Variants in DLC1 observed in about 807,000 individuals in gnomAD.
DLC1 encodes DLC1 Rho GTPase activating protein.
A neutral mutation model predicts 140.3 loss-of-function variants in DLC1; 54 were observed. The ratio of observed to expected loss-of-function variants is 0.38; its 90% CI spans 0.31 to 0.48. DLC1 has a LOEUF of 0.48. Ranked by LOEUF, DLC1 falls within the 20% of genes least tolerant of loss-of-function variation. DLC1 has a pLI of 0.96. For missense variants in DLC1, 2,536 were observed against 1,907.0 expected (o/e 1.33, Z -6.14); for synonymous variants, 986 against 728.1 (o/e 1.35, Z -5.70).
At position 13,100,511 on chromosome 8, in the gene DLC1, G is replaced by A. The variant is rs371098007; in HGVS notation, c.1826C>T (p.Pro609Leu). ...CCGGGGGGTGGCAGCATCCTCGCTG[G>A]GGGGCGCGTGGCTGGGGAGGCTGCC... is the stretch of plus-strand genomic sequence containing the variant. ...STGSLPSHAP[P>L]SEDAATPRTN... Residue 609 changes from proline to leucine, a missense_variant, in exon 9 of 18, where the codon CCC becomes CTC. Transcript: ENST00000276297. 967 of 1,612,546 alleles carry A rather than the reference G, an allele frequency of 6.0e-4. 15 individuals carry two copies. In the South Asian group the frequency reaches 1.0e-2, roughly 17 times the overall value.
intron 4 of DLC1, among the ~76,000 whole-genome samples, chr8:13,364,694 G>A (rs1245808563): frequency 1.3e-5 from 2 of 151,944 alleles, no homozygotes; most frequent in African/African-American, 2.4e-5. Context: ...TCCCTTTTTT[G>A]GACTAGGAAT....
At chr8:13,435,157 G>A (rs991619122) in intron 2 of DLC1, among the ~76,000 whole-genome samples, 2 of 152,084 alleles carry the variant, frequency 1.3e-5, no homozygotes, top group African/African-American at 4.8e-5. Flanking sequence ...ACATGAACAG[G>A]CATTTGGGAG....
chr8:13,239,224 C>T (rs1031055075), intron 5 of DLC1, among the ~76,000 whole-genome samples: 1 of 152,076 alleles, frequency 6.6e-6, no homozygotes, highest in African/African-American at 2.4e-5. Context: ...GTGCAAATGG[C>T]TGGGGAGGCT....
intron 5 of DLC1, among the ~76,000 whole-genome samples, chr8:13,160,523 T>G (rs1376293154): frequency 1.3e-5 from 2 of 152,348 alleles, no homozygotes; most frequent in East Asian, 1.9e-4. Flanking sequence ...CATTCCCATC[T>G]CTGCTTTACT....
chr8:13,584,242 G>C (rs1805223976), intron 1 of DLC1: 1 of 153,434 alleles, frequency 6.5e-6, no homozygotes, highest in African/African-American at 2.4e-5. Flanking sequence ...TTCCCTGTTT[G>C]GCTCTTCTGA....
chr8:13,230,371 C>G (rs1371783632), intron 5 of DLC1, among the ~76,000 whole-genome samples: 1 of 152,110 alleles, frequency 6.6e-6, no homozygotes, highest in African/African-American at 2.4e-5. Context: ...TTTATTACAC[C>G]TTTTCCCTCA....
At chr8:13,299,249 C>T (rs1415119345) in intron 5 of DLC1, among the ~76,000 whole-genome samples, 1 of 151,644 alleles carries the variant, frequency 6.6e-6, no homozygotes, top group African/African-American at 2.4e-5. Flanking sequence ...TCAAGACCAG[C>T]CCAGCCAACA....
intron 5 of DLC1, among the ~76,000 whole-genome samples, chr8:13,210,347 G>T (rs1177863912): frequency 6.6e-6 from 1 of 152,102 alleles, no homozygotes; most frequent in African/African-American, 2.4e-5. Flanking sequence ...GAAGATCAAA[G>T]ATCACAGCAC....
chr8:13,547,901 T>C (rs79493921), intron 1 of DLC1, among the ~76,000 whole-genome samples: 1 of 64 alleles, frequency 0.016, no homozygotes. Context: ...ATCTCTCTTT[T>C]TTCTTGTCTT....
chr8:13,437,021 C>G (rs1321024353), intron 2 of DLC1, among the ~76,000 whole-genome samples: 2 of 152,152 alleles, frequency 1.3e-5, no homozygotes, highest in Non-Finnish European at 2.9e-5. Flanking sequence ...TACCCTAAAA[C>G]ATTAAAATAG....
rs1563383539 is a variant in DLC1, at chr8:13,479,841, G to GA, written c.1023+19207dup. Among the ~76,000 whole-genome samples, 456 of 57,426 alleles carry GA rather than the reference G, an allele frequency of 7.9e-3. 45 individuals are homozygous for GA. The highest frequency in any genetic ancestry group is 0.016 in the Non-Finnish European group (372 of 23,044). The allele number at this position is 57,426 out of a possible 152,430, so 37.7% of individuals were successfully genotyped here. ...AGAAGAAGAAGAAGAAGAAGAAGAA[G>GA]AAGAAGAAGAAGAAGAAGAGAAAAA... On this transcript the variant is annotated intron_variant, in intron 2 of 17. Transcript: ENST00000276297.
chr8:13,213,727 G>A (rs904317822), intron 5 of DLC1, among the ~76,000 whole-genome samples: 1 of 151,590 alleles, frequency 6.6e-6, no homozygotes, highest in Admixed American at 6.6e-5. Flanking sequence ...TCAAACCAAT[G>A]CTTAATGAGA....
At chr8:13,196,199 G>C (rs1585888738) in intron 5 of DLC1, among the ~76,000 whole-genome samples, 1 of 152,102 alleles carries the variant, frequency 6.6e-6, no homozygotes, top group East Asian at 1.9e-4. Context: ...TAGGACTGGA[G>C]AGGTGTTTAA....
intron 5 of DLC1, among the ~76,000 whole-genome samples, chr8:13,143,990 C>T (rs1823234423): frequency 6.6e-6 from 1 of 152,110 alleles, no homozygotes; most frequent in African/African-American, 2.4e-5. Flanking sequence ...CGGAGAGACC[C>T]TGTGATGGTT....
chr8:13,538,937 T>C (rs1803391815), intron 1 of DLC1, among the ~76,000 whole-genome samples: 2 of 152,346 alleles, frequency 1.3e-5, no homozygotes, highest in South Asian at 2.1e-4. Context: ...ATTTTTTCTA[T>C]CTTTGCATTT....
intron 1 of DLC1, among the ~76,000 whole-genome samples, chr8:13,550,069 A>G (rs150114509): frequency 1.2e-3 from 177 of 152,230 alleles, no homozygotes; most frequent in African/African-American, 4.1e-3. Context: ...TATCCTTACA[A>G]TAGGCTAGAG....
At chr8:13,299,290 A>T (rs990778306) in intron 5 of DLC1, among the ~76,000 whole-genome samples, 11 of 150,234 alleles carry the variant, frequency 7.3e-5, no homozygotes, top group Admixed American at 1.3e-4. Flanking sequence ...TAAAAATATA[A>T]AAAAAAAATT....
At chr8:13,164,050 G>A (rs1036601996) in intron 5 of DLC1, among the ~76,000 whole-genome samples, 3 of 151,912 alleles carry the variant, frequency 2.0e-5, no homozygotes, top group Non-Finnish European at 2.9e-5. Context: ...CAATCCCAGC[G>A]CTTTGGGAGG....
intron 16 of DLC1, among the ~76,000 whole-genome samples, chr8:13,088,199 C>A (rs1817724943): frequency 6.6e-6 from 1 of 150,810 alleles, no homozygotes; most frequent in Non-Finnish European, 1.5e-5. Flanking sequence ...CCTGCCTCGG[C>A]CTCCCGAGTA....
Sources: gnomAD v4.1 joint callset for allele counts (sites outside exome capture counted in the v4.1 genomes callset) on GRCh38, gnomAD v4.1.1 for gene constraint, MANE v1.5 for transcripts, NCBI Gene and HGNC (gene_info 2026-07-23, HGNC 2026-07-21) for gene names.